GPHN: variants seen among roughly 807,000 people sequenced by gnomAD.
GPHN encodes gephyrin.
In GPHN, 17 loss-of-function variants were observed where a neutral mutation model predicts 95.5. The observed-to-expected ratio is 0.18, with a 90% CI of 0.12 to 0.27. GPHN has a LOEUF of 0.27. Among genes scored for constraint, GPHN ranks in the 10% least tolerant of loss-of-function variants. The pLI, the probability that GPHN is intolerant of heterozygous loss-of-function variation, is 1.00. For synonymous variants in GPHN, 320 were observed against 322.5 expected, an observed-to-expected ratio of 0.99 and a Z score of 0.08; for missense variants, 660 against 978.1, an observed-to-expected ratio of 0.67 and a Z score of 4.34.
chr14:67,007,255 T>C (rs1026057083), intron 9 of GPHN, among the ~76,000 whole-genome samples: 1 of 152,206 alleles, frequency 6.6e-6, no homozygotes. Context: ...TCCCAAAATT[T>C]GGCATTTATT....
rs566409094 is a variant in GPHN at position 66,921,481 on chromosome 14, G to A, written c.457-1185G>A. Among the ~76,000 whole-genome samples the A allele has an allele frequency of 1.2e-4, 17 of 146,754 alleles. No individual in the cohort carries two copies. The South Asian group carries it at 2.4e-3, about 20-fold the overall frequency. ...TTTTCTTACTGATTTGTTTGAGTTC[G>A]TTGTAGATTCTGGATATTAGCCCTT... On this transcript the variant is annotated intron_variant, in intron 6 of 22. Coordinates refer to ENST00000478722, the MANE Select transcript of GPHN (RefSeq NM_020806.5).
At chr14:66,718,988 GA>G (rs1043712509) in intron 2 of GPHN, among the ~76,000 whole-genome samples, 1 of 152,154 alleles carries the variant, frequency 6.6e-6, no homozygotes, top group African/African-American at 2.4e-5. Flanking sequence ...GGAATTTGGG[GA>G]AAGCCGGCAG....
chr14:66,722,112 T>C (rs919229714), intron 2 of GPHN, among the ~76,000 whole-genome samples: 2 of 151,928 alleles, frequency 1.3e-5, no homozygotes, highest in African/African-American at 4.8e-5. Context: ...AACAAAGTAA[T>C]AAAATATTTT....
chr14:67,359,440 T>C, the GPHN span, among the ~76,000 whole-genome samples: 2 of 151,916 alleles, frequency 1.3e-5, no homozygotes, highest in South Asian at 4.2e-4. Context: ...CGGGCGCCTT[T>C]TCCTACCGGC....
the GPHN span, among the ~76,000 whole-genome samples, chr14:67,444,794 C>G: frequency 6.6e-6 from 1 of 152,174 alleles, no homozygotes; most frequent in Non-Finnish European, 1.5e-5. Context: ...GAGTATCGCT[C>G]TGTCACCCAG....
intron 2 of GPHN, among the ~76,000 whole-genome samples, chr14:66,691,245 C>T (rs571605420): frequency 2.2e-4 from 33 of 151,902 alleles, no homozygotes; most frequent in African/African-American, 6.5e-4. Flanking sequence ...AGTGCAGTGG[C>T]GCAATCTCGG....
At chr14:67,067,603 C>T (rs1057495852) in intron 11 of GPHN, among the ~76,000 whole-genome samples, 2 of 152,218 alleles carry the variant, frequency 1.3e-5, no homozygotes, top group African/African-American at 4.8e-5. Flanking sequence ...CTGTGGTGAG[C>T]TCCGCCCAGT....
chr14:67,159,227 CTATT>C (rs1230085511), intron 18 of GPHN, among the ~76,000 whole-genome samples, 184 bp from the exon 19 acceptor site: 21 of 152,146 alleles, frequency 1.4e-4, no homozygotes, highest in African/African-American at 4.6e-4. Context: ...TGTTAAGTAA[CTATT>C]TATTGAATGA....
chr14:67,254,992 T>C, the GPHN span, among the ~76,000 whole-genome samples: 1 of 152,104 alleles, frequency 6.6e-6, no homozygotes, highest in African/African-American at 2.4e-5. Flanking sequence ...CTACTAAAAA[T>C]ACAAAAATTA....
At chr14:67,427,492 CT>C in the GPHN span, among the ~76,000 whole-genome samples, 4 of 152,180 alleles carry the variant, frequency 2.6e-5, no homozygotes, top group Admixed American at 2.6e-4. Flanking sequence ...CGTCGTTGTT[CT>C]CTGGAATCCC....
chr14:67,347,524 G>C, the GPHN span: 2 of 1,276,926 alleles, frequency 1.6e-6, no homozygotes, highest in Non-Finnish European at 2.2e-6. Context: ...TTTCTGAGAC[G>C]GAGTTTTGCT....
intron 1 of GPHN, among the ~76,000 whole-genome samples, chr14:66,535,458 T>C (rs554300868): frequency 6.6e-6 from 1 of 152,248 alleles, no homozygotes; most frequent in South Asian, 2.1e-4. Flanking sequence ...CTCTATCCTT[T>C]GTGTTTCCAT....
chr14:67,434,331 G>C, the GPHN span, among the ~76,000 whole-genome samples: 1 of 152,178 alleles, frequency 6.6e-6, no homozygotes, highest in Non-Finnish European at 1.5e-5. Context: ...CCTATCCTTT[G>C]ATTCCATAAT....
At chr14:67,582,045 G>C in the GPHN span, 16 of 1,598,804 alleles carry the variant, frequency 1.0e-5, no homozygotes, top group Non-Finnish European at 1.4e-5. This position sits in a 1 kb window ranked among gnomAD's most constrained non-coding sequence, Gnocchi z 5.0. Context: ...GCTGAGTCCT[G>C]GTTTCTTATT....
chr14:67,445,297 C>G, the GPHN span, among the ~76,000 whole-genome samples: 4 of 152,024 alleles, frequency 2.6e-5, no homozygotes, highest in African/African-American at 7.2e-5. Context: ...TCCTGGGGAC[C>G]CATTACAGCT....
At chr14:66,713,265 A>T (rs1286763196) in intron 2 of GPHN, among the ~76,000 whole-genome samples, 1 of 152,082 alleles carries the variant, frequency 6.6e-6, no homozygotes, top group East Asian at 1.9e-4. Context: ...GAATTTTTAT[A>T]GTTTCTTAGA....
intron 11 of GPHN, among the ~76,000 whole-genome samples, chr14:67,067,400 A>G (rs564056077): frequency 6.6e-6 from 1 of 152,320 alleles, no homozygotes; most frequent in East Asian, 1.9e-4. Flanking sequence ...GTTAGGCTAC[A>G]CAGGGGTCAG....
At chr14:66,912,670 G>C (rs1212239814) in intron 5 of GPHN, among the ~76,000 whole-genome samples, 13 of 151,992 alleles carry the variant, frequency 8.6e-5, no homozygotes, top group African/African-American at 2.9e-4. Context: ...CAGAATCCAT[G>C]TATCATCTCC....
At chr14:66,770,228 G>A (rs544583532) in intron 2 of GPHN, among the ~76,000 whole-genome samples, 59 of 152,102 alleles carry the variant, frequency 3.9e-4, no homozygotes, top group Non-Finnish European at 8.5e-4. Flanking sequence ...CTGGCTATTA[G>A]ACCTTTGTCA....
Sources: gnomAD v4.1 joint callset for allele counts (sites outside exome capture counted in the v4.1 genomes callset) on GRCh38, gnomAD v4.1.1 for gene constraint, Gnocchi (gnomAD v3.1) non-coding constraint, MANE v1.5 for transcripts, NCBI Gene and HGNC (gene_info 2026-07-23, HGNC 2026-07-21) for gene names.